The following CPED1 variants were observed in gnomAD, a reference collection of about 807,000 sequenced individuals.
The protein encoded by CPED1 is cadherin-like and PC-esterase domain-containing protein 1.
A neutral mutation model predicts 128.2 loss-of-function variants in CPED1; 114 were observed. The ratio of observed to expected loss-of-function variants is 0.89; its 90% CI spans 0.76 to 1.04. The LOEUF (loss-of-function observed/expected upper bound fraction) is 1.04, where lower values mean the gene tolerates loss of function less well. Among genes scored for constraint, CPED1 ranks in the 50% least tolerant of loss-of-function variants. The pLI is 0.00. For synonymous variants in CPED1, 462 were observed against 426.7 expected (o/e 1.08, Z -1.02); for missense variants, 1,211 against 1,207.1 (o/e 1.00, Z -0.05).
intron 5 of CPED1, among the ~76,000 whole-genome samples, chr7:121,070,009 A>G (rs1030805769): frequency 6.6e-6 from 1 of 152,120 alleles, no homozygotes; most frequent in African/African-American, 2.4e-5. Context: ...ATTCAAAGAT[A>G]GCATTTTGAA....
Position 121,088,641 on chromosome 7 carries a change from G to A in CPED1, c.617-9058G>A, listed in dbSNP as rs947715217. 9.7e-5 allele frequency among the ~76,000 whole-genome samples: 14 copies of A among 145,032 alleles called. No homozygotes were observed. In the East Asian group the frequency reaches 2.6e-3, roughly 26 times the overall value. On this transcript the variant is annotated intron_variant, in intron 5 of 22. Coordinates refer to ENST00000310396, the MANE Select transcript of CPED1 (RefSeq NM_024913.5). ...CCCACTGCACTCCAGCCTGGGCGACGGTGCGAGACTGCTTCTCAAAAAAAA... is the reference window on the plus strand; with the variant it reads ...CCCACTGCACTCCAGCCTGGGCGACAGTGCGAGACTGCTTCTCAAAAAAAA...
intron 21 of CPED1, among the ~76,000 whole-genome samples, chr7:121,269,368 T>G (rs1792191527): frequency 6.6e-6 from 1 of 152,094 alleles, no homozygotes; most frequent in Non-Finnish European, 1.5e-5. Flanking sequence ...GTGGTAAATA[T>G]GTACCATGTT....
intron 3 of CPED1, among the ~76,000 whole-genome samples, chr7:121,042,490 T>A (rs1156479953): frequency 6.6e-6 from 1 of 152,156 alleles, no homozygotes; most frequent in East Asian, 1.9e-4. Flanking sequence ...TCCACAGGGT[T>A]GTTGGAAATA....
At chr7:121,217,120 G>A (rs1797777037) in intron 16 of CPED1, among the ~76,000 whole-genome samples, 1 of 151,744 alleles carries the variant, frequency 6.6e-6, no homozygotes, top group Non-Finnish European at 1.5e-5. Context: ...GCAGTGCAGT[G>A]TCATGATCAT....
At chr7:121,182,255 T>A (rs1796913863) in intron 16 of CPED1, among the ~76,000 whole-genome samples, 1 of 150,122 alleles carries the variant, frequency 6.7e-6, no homozygotes, top group African/African-American at 2.5e-5. Context: ...AAAATACATA[T>A]AAAATTCATA....
At chr7:121,137,657 G>T (rs1584539752) in intron 14 of CPED1, among the ~76,000 whole-genome samples, 1 of 151,984 alleles carries the variant, frequency 6.6e-6, no homozygotes, top group African/African-American at 2.4e-5. Flanking sequence ...TTTAAATAAA[G>T]TATTGCTAAT....
At chr7:121,200,111 G>T (rs927975744) in intron 16 of CPED1, among the ~76,000 whole-genome samples, 3 of 151,930 alleles carry the variant, frequency 2.0e-5, no homozygotes, top group East Asian at 3.9e-4. Context: ...TGGTATAAAA[G>T]GTTTTATATG....
intron 16 of CPED1, among the ~76,000 whole-genome samples, chr7:121,208,101 A>T (rs1295133188): frequency 1.3e-5 from 2 of 151,978 alleles, no homozygotes; most frequent in African/African-American, 4.8e-5. Flanking sequence ...TTATGTTGAG[A>T]TAGCCCACCC....
At chr7:121,045,403 A>T (rs1363200796) in intron 3 of CPED1, among the ~76,000 whole-genome samples, 2 of 152,238 alleles carry the variant, frequency 1.3e-5, no homozygotes, top group African/African-American at 2.4e-5. Context: ...GACAATTAAA[A>T]ACAGAGGAAC....
At chr7:121,037,015 A>G (rs1034428104) in intron 3 of CPED1, among the ~76,000 whole-genome samples, 3 of 151,956 alleles carry the variant, frequency 2.0e-5, no homozygotes, top group Non-Finnish European at 4.4e-5. Flanking sequence ...GATTTGTTTG[A>G]GTTCCTTGTA....
chr7:121,042,376 C>A (rs1204137484), intron 3 of CPED1, among the ~76,000 whole-genome samples: 1 of 152,074 alleles, frequency 6.6e-6, no homozygotes, highest in Non-Finnish European at 1.5e-5. Flanking sequence ...CAAAGACAAA[C>A]AGATGTACCA....
chr7:121,146,082 T>C (rs1796019167), intron 16 of CPED1, among the ~76,000 whole-genome samples: 1 of 152,132 alleles, frequency 6.6e-6, no homozygotes. Context: ...AACAAAATAC[T>C]TGAGACTAGG....
intron 6 of CPED1, among the ~76,000 whole-genome samples, chr7:121,098,740 A>T (rs1794759211): frequency 1.1e-4 from 2 of 17,610 alleles, no homozygotes; most frequent in East Asian, 6.1e-3. Flanking sequence ...AAATATATAT[A>T]TATAAAAATA....
At chr7:121,111,492 C>T (rs910542061) in intron 7 of CPED1, among the ~76,000 whole-genome samples, 1 of 152,088 alleles carries the variant, frequency 6.6e-6, no homozygotes, top group Admixed American at 6.6e-5. Context: ...ATAGATGGTG[C>T]CTCAAATCAC....
chr7:121,246,976 C>CTGA (rs1169342497), intron 18 of CPED1, among the ~76,000 whole-genome samples: 1 of 152,174 alleles, frequency 6.6e-6, no homozygotes, highest in East Asian at 1.9e-4. Context: ...TCTACATAGA[C>CTGA]TGATGTATTT....
intron 16 of CPED1, among the ~76,000 whole-genome samples, chr7:121,220,284 G>C (rs1413126179): frequency 6.6e-6 from 1 of 152,006 alleles, no homozygotes; most frequent in African/African-American, 2.4e-5. Context: ...CCCAGTCTCT[G>C]AGCATCGTCT....
intron 18 of CPED1, among the ~76,000 whole-genome samples, chr7:121,257,660 G>C (rs1791916872): frequency 6.6e-6 from 1 of 151,930 alleles, no homozygotes; most frequent in Non-Finnish European, 1.5e-5. Context: ...TTATGAATAG[G>C]AGTAGGTGAG....
chr7:121,017,140 G>C (rs1294383336), intron 3 of CPED1, among the ~76,000 whole-genome samples: 1 of 152,200 alleles, frequency 6.6e-6, no homozygotes. Flanking sequence ...TTGATGAGAA[G>C]AAAGAAGGTC....
At chr7:120,993,600 A>C (rs899073515) in intron 2 of CPED1, among the ~76,000 whole-genome samples, 1 of 152,214 alleles carries the variant, frequency 6.6e-6, no homozygotes, top group Non-Finnish European at 1.5e-5. Flanking sequence ...ACATTTGAAA[A>C]TTTCTAAAAA....
Sources: allele counts gnomAD v4.1 joint callset (sites outside exome capture counted in the v4.1 genomes callset), GRCh38; gene constraint gnomAD v4.1.1; transcripts MANE v1.5; gene names NCBI Gene and HGNC (gene_info 2026-07-23, HGNC 2026-07-21).